Variants in SFXN1 observed in about 807,000 individuals in gnomAD.
SFXN1 encodes the protein sideroflexin 1.
SFXN1 carries 32 observed loss-of-function variants against 39.5 expected under a neutral mutation model. That is an observed-to-expected ratio of 0.81 (90% CI 0.61 to 1.09). SFXN1 has a LOEUF of 1.09. Ranked by LOEUF, SFXN1 falls within the 50% of genes least tolerant of loss-of-function variation. The pLI, the probability that SFXN1 is intolerant of heterozygous loss-of-function variation, is 0.00. For missense variants in SFXN1, 402 were observed against 407.1 expected (o/e 0.99, Z 0.11); for synonymous variants, 136 against 146.5 (o/e 0.93, Z 0.52).
intron 1 of SFXN1, among the ~76,000 whole-genome samples, chr5:175,481,871 TA>T (rs1293801840): frequency 6.7e-6 from 1 of 149,454 alleles, no homozygotes; most frequent in African/African-American, 2.6e-5. Flanking sequence ...GCCATGCCCA[TA>T]AAAAAGGCCA....
chr5:175,526,966 A>G lies in SFXN1; in HGVS notation c.*232A>G. ...TGATTTATAGAAATACCTTTCCTGT[A>G]GCTTTTATAGTCATTGTTTTTCAAA... is the stretch of plus-strand genomic sequence containing the variant. On this transcript the variant is annotated 3_prime_UTR_variant, in exon 11 of 11. Transcript: ENST00000321442. The G allele has an allele frequency of 1.9e-6, 1 of 521,308 alleles. No homozygotes were observed. The highest frequency in any genetic ancestry group is 3.4e-6 in the Non-Finnish European group (1 of 296,210). The allele number at this position is 521,308 out of a possible 1,614,324, so 32.3% of individuals were successfully genotyped here. A position where few individuals can be genotyped will look rare whatever the true frequency, so the allele number is the denominator to read the frequency against.
At chr5:175,507,750 C>T (rs1054160916) in intron 2 of SFXN1, among the ~76,000 whole-genome samples, 6 of 152,050 alleles carry the variant, frequency 3.9e-5, no homozygotes, top group African/African-American at 9.7e-5. Context: ...GCAGGCAGAT[C>T]GCCTAAGCCC....
chr5:175,500,169 C>T (rs1467860621), intron 2 of SFXN1, among the ~76,000 whole-genome samples: 3 of 151,940 alleles, frequency 2.0e-5, no homozygotes, highest in African/African-American at 4.8e-5. Flanking sequence ...GCCTGGGTGA[C>T]AAGAGAAAAC....
At chr5:175,487,721 C>T (rs980787720) in intron 1 of SFXN1, among the ~76,000 whole-genome samples, 1 of 152,166 alleles carries the variant, frequency 6.6e-6, no homozygotes, top group African/African-American at 2.4e-5. Flanking sequence ...CTCCCCTGAA[C>T]TTAGACCTAC....
At chr5:175,486,344 T>C (rs1168388897) in intron 1 of SFXN1, among the ~76,000 whole-genome samples, 2 of 152,252 alleles carry the variant, frequency 1.3e-5, no homozygotes, top group African/African-American at 4.8e-5. Context: ...TGCCAGCATC[T>C]GCCATGCAAC....
chr5:175,528,972 AG>A lies in SFXN1; in HGVS notation c.*2239del, dbSNP rs1158224414. ...TTCAGAATGTTAACCTCCAGTGAAG[AG>A]CTAATGACTGGTTAGAAGATTGACA... On this transcript the variant is annotated 3_prime_UTR_variant, in exon 11 of 11. Transcript: ENST00000321442. 1 of 152,172 alleles carries A rather than the reference AG, an allele frequency of 6.6e-6. No individual in the cohort carries two copies. Among genetic ancestry groups the A allele is most frequent in the African/African-American group, 2.4e-5 (1 of 41,404 alleles). 9.4% of individuals were successfully genotyped at this position (152,172 alleles called of 1,614,324 possible).
intron 1 of SFXN1, among the ~76,000 whole-genome samples, chr5:175,478,926 C>T (rs938216020): frequency 2.0e-5 from 3 of 152,260 alleles, no homozygotes; most frequent in African/African-American, 7.2e-5. Flanking sequence ...AAGGGCCCTC[C>T]GCCGCGTCCC....
intron 2 of SFXN1, among the ~76,000 whole-genome samples, chr5:175,500,572 A>T (rs1438187982): frequency 1.3e-5 from 2 of 152,222 alleles, no homozygotes; most frequent in East Asian, 3.9e-4. Flanking sequence ...TTGTTGTAAG[A>T]TTCATTGTAA....
chr5:175,483,532 A>G (rs918222066), intron 1 of SFXN1: 5 of 152,178 alleles, frequency 3.3e-5, no homozygotes, highest in African/African-American at 1.2e-4. Flanking sequence ...ATTTTCTTCT[A>G]GCGCGTCTGT....
intron 3 of SFXN1, among the ~76,000 whole-genome samples, chr5:175,509,870 T>G (rs1220980219): frequency 6.6e-6 from 1 of 152,216 alleles, no homozygotes; most frequent in East Asian, 1.9e-4. Context: ...AAATTTTATC[T>G]TACTTCATCC....
At chr5:175,495,504 G>T (rs377152149) in intron 2 of SFXN1, among the ~76,000 whole-genome samples, 1 of 152,274 alleles carries the variant, frequency 6.6e-6, no homozygotes, top group East Asian at 1.9e-4. Context: ...CAAGGTGGGA[G>T]GATCACTTGA....
chr5:175,517,709 C>T (rs1039063388), intron 8 of SFXN1, among the ~76,000 whole-genome samples: 4 of 152,168 alleles, frequency 2.6e-5, no homozygotes, highest in Non-Finnish European at 5.9e-5. Flanking sequence ...ACAGAGGCAG[C>T]TTATATTAAA....
intron 1 of SFXN1, among the ~76,000 whole-genome samples, chr5:175,488,029 G>A (rs553205289): frequency 1.6e-4 from 24 of 152,218 alleles, no homozygotes; most frequent in Non-Finnish European, 2.8e-4. Flanking sequence ...TCCTGTGTCC[G>A]CTCTTATCTC....
At chr5:175,506,747 A>G (rs1451111610) in intron 2 of SFXN1, among the ~76,000 whole-genome samples, 2 of 152,014 alleles carry the variant, frequency 1.3e-5, no homozygotes, top group Non-Finnish European at 2.9e-5. Context: ...GCTTACTGCA[A>G]CCTCTGCCCC....
At chr5:175,516,830 G>C (rs1390859925) in intron 8 of SFXN1, among the ~76,000 whole-genome samples, 167 bp downstream of exon 8, 4 of 152,196 alleles carry the variant, frequency 2.6e-5, no homozygotes. Flanking sequence ...TCTAATCTCA[G>C]ATATTTGAAA....
chr5:175,492,265 C>G lies in SFXN1; in HGVS notation c.162C>G (p.Tyr54Ter). The change falls in exon 2 of 11, where the codon TAC becomes TAG. Residue 54 changes from tyrosine to a stop codon, truncating the protein, a stop_gained and splice_region_variant. Coordinates refer to ENST00000321442, the MANE Select transcript of SFXN1 (RefSeq NM_022754.7). LOFTEE classifies it high-confidence loss of function. ...LESARKIVHD[Y>*]RQGIVPPGLT... ...GTGCGAGAAAAATAGTACATGATTA[C>G]AGGTAACATTAATTATTGTTTTTTG... 6.2e-7 allele frequency: 1 copy of G among 1,605,956 alleles called. No individual in the cohort carries two copies. The highest frequency in any genetic ancestry group is 8.5e-7 in the Non-Finnish European group (1 of 1,177,228).
At chr5:175,513,699 T>A in intron 7 of SFXN1, 109 bp downstream of exon 7, 1 of 1,216,064 alleles carries the variant, frequency 8.2e-7, no homozygotes, top group Non-Finnish European at 1.2e-6. Flanking sequence ...GGAAATTGCC[T>A]TCCACTGGGG....
chr5:175,489,974 A>G (rs1759598701), intron 1 of SFXN1, among the ~76,000 whole-genome samples: 1 of 152,224 alleles, frequency 6.6e-6, no homozygotes, highest in Non-Finnish European at 1.5e-5. Flanking sequence ...AAAATTGAAT[A>G]CAAAGTAATC....
intron 1 of SFXN1, among the ~76,000 whole-genome samples, chr5:175,490,529 T>G (rs2113275808): frequency 6.6e-6 from 1 of 152,312 alleles, no homozygotes; most frequent in East Asian, 1.9e-4. Context: ...CCTCCGAACC[T>G]GTAAAGCACT....
Sources: gnomAD v4.1 joint callset for allele counts (sites outside exome capture counted in the v4.1 genomes callset) on GRCh38, gnomAD v4.1.1 for gene constraint, MANE v1.5 for transcripts, NCBI Gene and HGNC (gene_info 2026-07-23, HGNC 2026-07-21) for gene names.